Variants in KLHDC4 observed in about 807,000 individuals in gnomAD.
KLHDC4 encodes the protein kelch domain-containing protein 4.
KLHDC4 carries 90 observed loss-of-function variants against 62.4 expected under a neutral mutation model. That is an observed-to-expected ratio of 1.44 (90% CI 1.22 to 1.72). The LOEUF is 1.72. Among genes scored for constraint, KLHDC4 ranks in the 40% most tolerant of loss-of-function variants. KLHDC4 has a pLI of 0.00. For synonymous variants in KLHDC4, 386 were observed against 284.4 expected (o/e 1.36, Z -3.59); for missense variants, 1,025 against 699.7 (o/e 1.47, Z -5.25).
Position 87,748,753 on chromosome 16 carries a change from G to C in KLHDC4, c.426C>G (p.Ala142=). The change falls in exon 5 of 12, where the codon GCC becomes GCG. Residue 142 remains alanine (A), a synonymous_variant. Transcript: ENST00000270583. The part of the protein sequence containing the change: ...GQLWVFGGEF[A]SPNGEQFYHY... ...GGTAGAACTGCTCTCCGTTGGGAGA[G>C]GCAAACTCCCCTCCAAAGACCCACA... 2 of 1,613,370 alleles carry C rather than the reference G, an allele frequency of 1.2e-6. No individual in the cohort carries two copies. Among genetic ancestry groups the C allele is most frequent in the South Asian group, 1.1e-5 (1 of 90,994 alleles).
chr16:87,701,821 C>A (rs1365325666), exon 1 of KLHDC4: 1 of 456,626 alleles, frequency 2.2e-6, no homozygotes, highest in East Asian at 6.9e-5. Flanking sequence ...AGGCCTCCAG[C>A]TGCACCACCA....
At chr16:87,761,172 T>A (rs947096591) in intron 2 of KLHDC4, among the ~76,000 whole-genome samples, 1 of 152,074 alleles carries the variant, frequency 6.6e-6, no homozygotes, top group African/African-American at 2.4e-5. Context: ...CCTTTGGGAG[T>A]GGCTCCAACA....
At chr16:87,721,059 C>T (rs2038207432) in intron 7 of KLHDC4, among the ~76,000 whole-genome samples, 1 of 152,196 alleles carries the variant, frequency 6.6e-6, no homozygotes, top group Non-Finnish European at 1.5e-5. Context: ...GGCCACTCAA[C>T]CCCCCACAGC....
In KLHDC4 at chr16:87,748,795, A is replaced by C. The variant is rs35970259; in HGVS notation, c.384T>G (p.Pro128=). The change falls in exon 5 of 12, where the codon CCT becomes CCG. Residue 128 remains proline (P), a synonymous_variant. Coordinates refer to ENST00000270583, the MANE Select transcript of KLHDC4 (RefSeq NM_017566.4). ...RRCAHQAVVV[P]QGGGQLWVFG... ...AGACCCACAGCTGTCCGCCACCTTG[A>C]GGCACTACCACCGCCTGTGAAAAGA... 1,956 of 1,612,164 alleles carry C rather than the reference A, an allele frequency of 1.2e-3. 37 individuals carry two copies. In the African/African-American group the frequency reaches 0.023, roughly 19 times the overall value.
chr16:87,730,718 C>G, intron 5 of KLHDC4, 74 bp from the exon 6 acceptor site: 1 of 1,294,736 alleles, frequency 7.7e-7, no homozygotes, highest in Non-Finnish European at 1.1e-6. Flanking sequence ...CAACAACAAA[C>G]AAAATCCAAT....
chr16:87,700,417 G>A (rs1269586426), exon 1 of KLHDC4: 1 of 156,452 alleles, frequency 6.4e-6, no homozygotes, highest in Non-Finnish European at 1.4e-5. Flanking sequence ...CCGGGCCAGG[G>A]TCTGCCTCCA....
downstream of KLHDC4, among the ~76,000 whole-genome samples, chr16:87,703,710 GGC>G (rs2034309738): frequency 6.6e-6 from 1 of 152,188 alleles, no homozygotes; most frequent in South Asian, 2.1e-4. Flanking sequence ...AAGGAAAACG[GGC>G]GTGAGCTGGA....
At chr16:87,749,910 C>G (rs1324278339) in intron 4 of KLHDC4, among the ~76,000 whole-genome samples, 1 of 152,196 alleles carries the variant, frequency 6.6e-6, no homozygotes, top group Admixed American at 6.5e-5. Flanking sequence ...AATAAAGACT[C>G]AGCACCACAG....
At chr16:87,726,057 T>G (rs915097897) in intron 7 of KLHDC4, among the ~76,000 whole-genome samples, 1 of 152,162 alleles carries the variant, frequency 6.6e-6, no homozygotes, top group South Asian at 2.1e-4. Flanking sequence ...ATTAACACTA[T>G]CTCTATTTCT....
At chr16:87,714,115 G>A (rs2036441981) in intron 8 of KLHDC4, among the ~76,000 whole-genome samples, 1 of 152,152 alleles carries the variant, frequency 6.6e-6, no homozygotes, top group Admixed American at 6.5e-5. Flanking sequence ...GTGCCAGGCA[G>A]CCCCAGTGAC....
chr16:87,714,150 C>G (rs1216740336), intron 8 of KLHDC4, among the ~76,000 whole-genome samples: 2 of 152,202 alleles, frequency 1.3e-5, no homozygotes, highest in African/African-American at 4.8e-5. Context: ...ACTCAAGGCC[C>G]AGGATGGTTC....
chr16:87,729,513 C>A (rs567562201), intron 6 of KLHDC4: 3 of 152,416 alleles, frequency 2.0e-5, no homozygotes, highest in South Asian at 2.1e-4. Context: ...CAGAACACAA[C>A]TGCACTTATG....
intron 2 of KLHDC4, among the ~76,000 whole-genome samples, chr16:87,756,878 A>G (rs1477869112): frequency 6.6e-6 from 1 of 151,934 alleles, no homozygotes; most frequent in Non-Finnish European, 1.5e-5. Flanking sequence ...CAATGGCACA[A>G]TCTCAGCTCA....
downstream of KLHDC4, among the ~76,000 whole-genome samples, chr16:87,703,726 A>G (rs2034311911): frequency 6.6e-6 from 1 of 152,162 alleles, no homozygotes; most frequent in Non-Finnish European, 1.5e-5. Context: ...AGCTGGACTC[A>G]GGGAAGCCGG....
At chr16:87,716,359 A>G (rs1160411054) in intron 7 of KLHDC4, among the ~76,000 whole-genome samples, 2 of 152,120 alleles carry the variant, frequency 1.3e-5, no homozygotes, top group African/African-American at 4.8e-5. Flanking sequence ...GGTACGCGCT[A>G]TGTCTCGTGG....
At chr16:87,715,606 TTA>T (rs1162514735) in intron 7 of KLHDC4, among the ~76,000 whole-genome samples, 4 of 152,144 alleles carry the variant, frequency 2.6e-5, no homozygotes, top group Non-Finnish European at 5.9e-5. Context: ...CTCAGGAGTT[TTA>T]TAGAGTGCCC....
intron 5 of KLHDC4, among the ~76,000 whole-genome samples, chr16:87,731,751 A>G (rs1157146082): frequency 6.6e-6 from 1 of 152,242 alleles, no homozygotes. Flanking sequence ...ACAGACGGAC[A>G]TGCACAAGTT....
chr16:87,749,385 C>T (rs568022000), intron 4 of KLHDC4, among the ~76,000 whole-genome samples: 7 of 151,986 alleles, frequency 4.6e-5, no homozygotes, highest in Non-Finnish European at 8.8e-5. Flanking sequence ...GAAACCCCAT[C>T]TCTACTAAAA....
At chr16:87,730,444 T>C in intron 6 of KLHDC4, 108 bp downstream of exon 6, 5 of 928,006 alleles carry the variant, frequency 5.4e-6, no homozygotes, top group East Asian at 5.1e-5. Context: ...TGAAGCTGGA[T>C]TTGGGAGGAT....
Sources: gnomAD v4.1 joint callset for allele counts (sites outside exome capture counted in the v4.1 genomes callset) on GRCh38, gnomAD v4.1.1 for gene constraint, MANE v1.5 for transcripts, NCBI Gene and HGNC (gene_info 2026-07-23, HGNC 2026-07-21) for gene names.